Variants in CUL3 observed in about 807,000 individuals in gnomAD.
The protein encoded by CUL3 is cullin 3, also known as cullin-3.
Under a neutral mutation model 89.1 loss-of-function variants are expected in CUL3, and 19 were observed. The observed-to-expected ratio is 0.21, with a 90% CI of 0.15 to 0.31. The LOEUF (loss-of-function observed/expected upper bound fraction) is 0.31, where lower values mean the gene tolerates loss of function less well. CUL3 is among the 10% of genes least tolerant of loss of function. CUL3 has a pLI of 1.00. For synonymous variants in CUL3, 351 were observed against 308.4 expected, an observed-to-expected ratio of 1.14 and a Z score of -1.45; for missense variants, 469 against 942.3, an observed-to-expected ratio of 0.50 and a Z score of 6.58.
chr2:224,474,677 C>T (rs941465461), intron 15 of CUL3, among the ~76,000 whole-genome samples: 8 of 152,194 alleles, frequency 5.3e-5, no homozygotes, highest in Admixed American at 2.0e-4. Flanking sequence ...CTGTTATCTA[C>T]TGAATTCTGA....
At chr2:224,502,397 C>G (rs946638659) in intron 10 of CUL3, among the ~76,000 whole-genome samples, 1 of 152,190 alleles carries the variant, frequency 6.6e-6, no homozygotes, top group South Asian at 2.1e-4. Context: ...TCCCATCAGA[C>G]TCCAAAGCTA....
intron 2 of CUL3, among the ~76,000 whole-genome samples, chr2:224,544,525 AAAAAAT>A (rs1267588527): frequency 9.3e-5 from 9 of 97,154 alleles, no homozygotes; most frequent in African/African-American, 3.7e-4. Context: ...AAAAAAAGTT[AAAAAAT>A]AAAAATAAAA....
intron 1 of CUL3, among the ~76,000 whole-genome samples, chr2:224,571,073 T>A (rs1036775599): frequency 3.9e-5 from 6 of 152,162 alleles, no homozygotes; most frequent in Admixed American, 2.0e-4. Flanking sequence ...GATACAATAA[T>A]GTAAGTACTC....
intron 3 of CUL3, among the ~76,000 whole-genome samples, chr2:224,529,780 TG>T: frequency 6.6e-6 from 1 of 152,320 alleles, no homozygotes; most frequent in South Asian, 2.1e-4. Flanking sequence ...GATGTAGAGT[TG>T]ATTTTTGCAA....
At position 224,471,054 on chromosome 2, in the gene CUL3, TATG is replaced by T. The variant is rs1342558347; in HGVS notation, c.*3188_*3190del. 1 of 225,458 alleles carries T rather than the reference TATG, an allele frequency of 4.4e-6. No individual in the cohort carries two copies. Among genetic ancestry groups the T allele is most frequent in the Admixed American group, 5.7e-5 (1 of 17,528 alleles). 14.0% of individuals were successfully genotyped at this position (225,458 alleles called of 1,614,324 possible). A position where few individuals can be genotyped will look rare whatever the true frequency, so the allele number is the denominator to read the frequency against. On this transcript the variant is annotated 3_prime_UTR_variant, in exon 16 of 16. Transcript: ENST00000264414. The stretch of plus-strand genomic sequence containing the variant: ...AAAATATTCAGAATAGTATCTGGCA[TATG>T]ATAAGCACTTAAATGTTAACATTTC...
chr2:224,539,556 G>A (rs1019865095), intron 2 of CUL3, among the ~76,000 whole-genome samples: 1 of 152,150 alleles, frequency 6.6e-6, no homozygotes. Context: ...AAACCAAGAC[G>A]TTCTTCTGCA....
Position 224,512,847 on chromosome 2 carries a change from T to G in CUL3, c.654+677A>C, listed in dbSNP as rs144716412. Among the ~76,000 whole-genome samples the G allele has an allele frequency of 5.0e-3, 757 of 152,336 alleles. 2 individuals carry two copies. Among genetic ancestry groups the G allele is most frequent in the Middle Eastern group, 0.037 (11 of 294 alleles). On this transcript the variant is annotated intron_variant, in intron 5 of 15. Coordinates refer to ENST00000264414, the MANE Select transcript of CUL3 (RefSeq NM_003590.5). ...GTAAAAAGTTAAGGATATTTCTAAG[T>G]TTACAGTTTCATAACATACAGTTGA...
intron 1 of CUL3, among the ~76,000 whole-genome samples, chr2:224,574,735 T>A (rs929121730): frequency 2.6e-5 from 4 of 152,220 alleles, no homozygotes; most frequent in Non-Finnish European, 5.9e-5. Context: ...CTTTTAAATG[T>A]CATAGTGATA....
rs559210809 is a variant in CUL3 at position 224,526,908 on chromosome 2, TA to T, written c.378+8619del. The stretch of plus-strand genomic sequence containing the variant: ...TAACATTTTTAAGTAGCAAGAAAAA[TA>T]AAATTAAAAAGCAGCAGGAATTTAA... On this transcript the variant is annotated intron_variant, in intron 3 of 15. Transcript: ENST00000264414. Among the ~76,000 whole-genome samples, 58 of 148,248 alleles carry T rather than the reference TA, an allele frequency of 3.9e-4. No individual in the cohort carries two copies. The East Asian group carries it at 8.3e-3, about 21-fold the overall frequency.
chr2:224,503,142 T>C (rs954387683), intron 9 of CUL3, 70 bp from the exon 10 acceptor site: 23 of 1,009,610 alleles, frequency 2.3e-5, no homozygotes, highest in African/African-American at 3.2e-5. Context: ...CAGAAAGAAA[T>C]AAATTATTTC....
rs1553538491 is a variant in CUL3, at chr2:224,585,182, C to CGGCGGCGGG, written c.-174_-173insCCCGCCGCC. 0.03 allele frequency: 2,134 copies of CGGCGGCGGG among 70,882 alleles called. 53 individuals are homozygous for CGGCGGCGGG. Among genetic ancestry groups the CGGCGGCGGG allele is most frequent in the African/African-American group, 0.14 (2,026 of 14,344 alleles). The allele number at this position is 70,882 out of a possible 1,614,324, so 4.4% of individuals were successfully genotyped here. On this transcript the variant is annotated 5_prime_UTR_variant, in exon 1 of 16. Coordinates refer to ENST00000264414, the MANE Select transcript of CUL3 (RefSeq NM_003590.5). Reference sequence around the variant, plus strand: ...GCAGCCGCGGCGGCGGCGGGGGCGGCGGCGGCGGCGGCGGCGGCTCGGACT... The same window carrying CGGCGGCGGG: ...GCAGCCGCGGCGGCGGCGGGGGCGGCGGCGGCGGGGGCGGCGGCGGCGGCGGCTCGGACT...
intron 2 of CUL3, among the ~76,000 whole-genome samples, chr2:224,545,460 C>A (rs927257259): frequency 3.3e-5 from 5 of 152,146 alleles, no homozygotes; most frequent in Admixed American, 1.3e-4. Flanking sequence ...AAAAAGCACA[C>A]TATTCTCAAT....
In CUL3 at chr2:224,564,990, TAACCCC is replaced by T. The variant is rs150408377; in HGVS notation, c.67-7140_67-7135del. On this transcript the variant is annotated intron_variant, in intron 1 of 15. Coordinates refer to ENST00000264414, the MANE Select transcript of CUL3 (RefSeq NM_003590.5). ...TCCAATCATCAAGTACTACTGACAT[TAACCCC>T]AAGGTATTTCTCAAATATGTTCCCA... Among the ~76,000 whole-genome samples the T allele has an allele frequency of 1.1e-4, 16 of 152,336 alleles. No homozygotes were observed. In the East Asian group the frequency reaches 3.1e-3, roughly 29 times the overall value.
At chr2:224,478,066 C>T in intron 15 of CUL3, 134 bp downstream of exon 15, 2 of 808,132 alleles carry the variant, frequency 2.5e-6, no homozygotes, top group Non-Finnish European at 3.7e-6. Flanking sequence ...CAAGTGAGTG[C>T]CATACATTTC....
intron 8 of CUL3, among the ~76,000 whole-genome samples, chr2:224,504,829 A>G (rs1692529878): frequency 6.6e-6 from 1 of 152,154 alleles, no homozygotes; most frequent in South Asian, 2.1e-4. Context: ...AAAGAGACCA[A>G]TTCAGATGTG....
At chr2:224,557,967 T>A in intron 1 of CUL3, 111 bp from the exon 2 acceptor site, 1 of 616,502 alleles carries the variant, frequency 1.6e-6, no homozygotes, top group Admixed American at 3.0e-5. Context: ...TATATAGATA[T>A]GATTATAAAT....
intron 2 of CUL3, among the ~76,000 whole-genome samples, chr2:224,553,953 G>C (rs1202793045): frequency 6.6e-6 from 1 of 152,148 alleles, no homozygotes; most frequent in Non-Finnish European, 1.5e-5. Context: ...GAAACTCAGA[G>C]TTCTCATGGA....
rs989881411 is a variant in CUL3, at chr2:224,471,417, T to C, written c.*2828A>G. ...ATTTAGAAACCTAAGATGATGCCAG[T>C]GTACTAGTCTTCTAGAGATGTAGGC... is the stretch of plus-strand genomic sequence containing the variant. On this transcript the variant is annotated 3_prime_UTR_variant, in exon 16 of 16. Coordinates refer to ENST00000264414, the MANE Select transcript of CUL3 (RefSeq NM_003590.5). The C allele has an allele frequency of 1.0e-5, 2 of 198,596 alleles. No individual in the cohort carries two copies. The highest frequency in any genetic ancestry group is 2.1e-5 in the Non-Finnish European group (2 of 96,196). The allele number at this position is 198,596 out of a possible 1,614,324, so 12.3% of individuals were successfully genotyped here. A position where few individuals can be genotyped will look rare whatever the true frequency, so the allele number is the denominator to read the frequency against.
intron 11 of CUL3, chr2:224,499,647 AT>A: frequency 4.7e-6 from 1 of 214,970 alleles, no homozygotes. Context: ...CCACTCTGGT[AT>A]TATTCCACTT....
Sources: allele counts gnomAD v4.1 joint callset (sites outside exome capture counted in the v4.1 genomes callset), GRCh38; gene constraint gnomAD v4.1.1; transcripts MANE v1.5; gene names NCBI Gene and HGNC (gene_info 2026-07-23, HGNC 2026-07-21).